The following DNAH11 variants were observed in gnomAD, a reference collection of about 807,000 sequenced individuals.
DNAH11 encodes the protein dynein axonemal heavy chain 11.
In DNAH11, 442 loss-of-function variants were observed where a neutral mutation model predicts 526.0. The observed-to-expected ratio is 0.84, with a 90% CI of 0.78 to 0.91. The LOEUF (loss-of-function observed/expected upper bound fraction) is 0.91, where lower values mean the gene tolerates loss of function less well. Among genes scored for constraint, DNAH11 ranks in the 40% least tolerant of loss-of-function variants. DNAH11 has a pLI of 0.00. For missense variants in DNAH11, 6,989 were observed against 5,448.7 expected (o/e 1.28, Z -8.90); for synonymous variants, 2,461 against 1,935.9 (o/e 1.27, Z -7.12).
At chr7:21,793,294 G>A (rs556387512) in intron 61 of DNAH11, among the ~76,000 whole-genome samples, 15 of 152,312 alleles carry the variant, frequency 9.8e-5, no homozygotes, top group African/African-American at 3.4e-4. Context: ...TATGTGGTCA[G>A]TTCTGGAGAA....
intron 62 of DNAH11, among the ~76,000 whole-genome samples, chr7:21,803,364 C>A (rs1015611581): frequency 6.6e-6 from 1 of 152,148 alleles, no homozygotes; most frequent in Non-Finnish European, 1.5e-5. Flanking sequence ...CTCTGCCTCT[C>A]CACGCTCAGC....
At chr7:21,745,620 G>A (rs1786111954) in intron 51 of DNAH11, among the ~76,000 whole-genome samples, 1 of 152,202 alleles carries the variant, frequency 6.6e-6, no homozygotes, top group Non-Finnish European at 1.5e-5. Context: ...CTGAGATACA[G>A]CAGCAGTGAA....
intron 28 of DNAH11, among the ~76,000 whole-genome samples, chr7:21,643,352 T>G (rs1176596241): frequency 2.6e-5 from 4 of 152,224 alleles, no homozygotes; most frequent in Non-Finnish European, 5.9e-5. Flanking sequence ...TGATTCCTTA[T>G]GATGTGAAAG....
At chr7:21,616,616 G>A (rs917679994) in intron 22 of DNAH11, among the ~76,000 whole-genome samples, 3 of 152,070 alleles carry the variant, frequency 2.0e-5, no homozygotes, top group Non-Finnish European at 2.9e-5. Flanking sequence ...TGATTTCTTT[G>A]CTTAGCAACC....
chr7:21,606,912 C>A (rs185184530), intron 20 of DNAH11, among the ~76,000 whole-genome samples, 179 bp downstream of exon 20: 1 of 152,094 alleles, frequency 6.6e-6, no homozygotes, highest in Non-Finnish European at 1.5e-5. Flanking sequence ...CAAATCATGC[C>A]TCCCAAAACC....
chr7:21,868,044 C>T (rs1424831342), intron 72 of DNAH11, 37 bp downstream of exon 72: 1 of 1,352,750 alleles, frequency 7.4e-7, no homozygotes, highest in East Asian at 2.7e-5. Context: ...CGCCCCTTCT[C>T]CCTCCCTCCC....
At chr7:21,811,296 C>T (rs34406346) in intron 63 of DNAH11, among the ~76,000 whole-genome samples, 63,659 of 151,306 alleles carry the variant, frequency 0.42, 14,304 homozygotes, top group East Asian at 0.82. Context: ...AACCCCCCCC[C>T]CTACTAAAAA....
chr7:21,802,963 TGTA>T lies in DNAH11; in HGVS notation c.10165+1692_10165+1694del, dbSNP rs200204423. 1.7e-3 allele frequency among the ~76,000 whole-genome samples: 246 copies of T among 146,882 alleles called. 1 individual carries two copies. Among genetic ancestry groups the T allele is most frequent in the African/African-American group, 6.3e-3 (238 of 37,742 alleles). ...ATATATATATAATATATATATATAA[TGTA>T]GTAAAAAACACTGCTGTATATTTTA... On this transcript the variant is annotated intron_variant, in intron 62 of 81. Transcript: ENST00000409508.
At chr7:21,690,497 T>C (rs1783570196) in intron 34 of DNAH11, among the ~76,000 whole-genome samples, 1 of 152,206 alleles carries the variant, frequency 6.6e-6, no homozygotes, top group African/African-American at 2.4e-5. Context: ...AGTCAAGTCT[T>C]TATTTTTATA....
chr7:21,876,628 T>G (rs1322793862), intron 74 of DNAH11, among the ~76,000 whole-genome samples: 1 of 152,252 alleles, frequency 6.6e-6, no homozygotes, highest in African/African-American at 2.4e-5. Flanking sequence ...TTACCACAAA[T>G]TGTCATCAAT....
intron 63 of DNAH11, among the ~76,000 whole-genome samples, chr7:21,814,797 A>T (rs533974283): frequency 1.3e-5 from 2 of 152,116 alleles, no homozygotes; most frequent in South Asian, 2.1e-4. Flanking sequence ...ATATGAAATG[A>T]TGCTTATTTT....
At chr7:21,823,223 A>C (rs1327787792) in intron 65 of DNAH11, among the ~76,000 whole-genome samples, 1 of 151,988 alleles carries the variant, frequency 6.6e-6, no homozygotes, top group Non-Finnish European at 1.5e-5. Context: ...AACAGGCACT[A>C]CTATCTTTTG....
chr7:21,704,634 A>G lies in DNAH11; in HGVS notation c.6468+6A>G. 1.9e-6 allele frequency: 3 copies of G among 1,586,556 alleles called. No homozygotes were observed. In the South Asian group the frequency reaches 3.5e-5, roughly 19 times the overall value. On this transcript the variant is annotated splice_donor_region_variant and intron_variant, in intron 38 of 81. Transcript: ENST00000409508. The stretch of plus-strand genomic sequence containing the variant: ...AAGAGAGCTTCATCCTCAAAGTAAA[A>G]GGAGCATTTGCTTTTCATGGCAGCT...
At chr7:21,761,998 G>T (rs947378542) in intron 54 of DNAH11, among the ~76,000 whole-genome samples, 1 of 152,148 alleles carries the variant, frequency 6.6e-6, no homozygotes, top group Non-Finnish European at 1.5e-5. Context: ...GGGAAAGCAA[G>T]TACCTTCTTC....
At position 21,717,843 on chromosome 7, in the gene DNAH11, A is replaced by T; in HGVS notation, c.7052A>T (p.Asp2351Val). Residue 2351 changes from aspartate to valine, a missense_variant, in exon 43 of 82, where the codon GAT (aspartate) becomes GTT (valine). Coordinates refer to ENST00000409508, the MANE Select transcript of DNAH11 (RefSeq NM_001277115.2). ...SEKANLTILF[D>V]KYVPACLDKL... The stretch of plus-strand genomic sequence containing the variant: ...AAGGCCAATTTGACTATTCTTTTTG[A>T]TAAATATGTCCCTGCATGCTTGGAT... 6.2e-7 allele frequency: 1 copy of T among 1,613,906 alleles called. No homozygotes were observed. The highest frequency in any genetic ancestry group is 1.3e-5 in the African/African-American group (1 of 75,046).
At chr7:21,629,307 C>T (rs948121434) in intron 25 of DNAH11, among the ~76,000 whole-genome samples, 1 of 152,042 alleles carries the variant, frequency 6.6e-6, no homozygotes, top group South Asian at 2.1e-4. Flanking sequence ...TTTTTTGAAA[C>T]TTGTTTTGTG....
intron 2 of DNAH11, among the ~76,000 whole-genome samples, chr7:21,551,283 G>T (rs1025778135): frequency 6.6e-6 from 1 of 152,150 alleles, no homozygotes; most frequent in Non-Finnish European, 1.5e-5. Flanking sequence ...GTCCAGGGAG[G>T]CTTGCTCAGC....
intron 81 of DNAH11, among the ~76,000 whole-genome samples, chr7:21,900,639 A>C (rs1447812338): frequency 6.6e-6 from 1 of 152,166 alleles, no homozygotes; most frequent in African/African-American, 2.4e-5. Context: ...GTTTAAAGCA[A>C]GTGCCACAAG....
intron 49 of DNAH11, among the ~76,000 whole-genome samples, chr7:21,742,837 A>G (rs1785970400): frequency 6.6e-6 from 1 of 152,188 alleles, no homozygotes; most frequent in African/African-American, 2.4e-5. Context: ...GTGACAAAAT[A>G]CCCGAGATTG....
Sources: allele counts gnomAD v4.1 joint callset (sites outside exome capture counted in the v4.1 genomes callset), GRCh38; gene constraint gnomAD v4.1.1; transcripts MANE v1.5; gene names NCBI Gene and HGNC (gene_info 2026-07-23, HGNC 2026-07-21).